The following PPP2R2B variants were observed in gnomAD, a reference collection of about 807,000 sequenced individuals.
PPP2R2B encodes the protein serine/threonine-protein phosphatase 2A 55 kDa regulatory subunit B beta isoform.
PPP2R2B carries 5 observed loss-of-function variants against 46.0 expected under a neutral mutation model. The observed-to-expected ratio is 0.11, with a 90% CI of 0.06 to 0.23. The LOEUF is 0.23. Among genes scored for constraint, PPP2R2B ranks in the 10% least tolerant of loss-of-function variants. The pLI, the probability that PPP2R2B is intolerant of heterozygous loss-of-function variation, is 1.00. For missense variants in PPP2R2B, 367 were observed against 575.0 expected (o/e 0.64, Z 3.70); for synonymous variants, 215 against 206.7 (o/e 1.04, Z -0.34).
intron 1 of PPP2R2B, among the ~76,000 whole-genome samples, chr5:146,965,111 G>A (rs1752345262): frequency 1.3e-5 from 2 of 152,124 alleles, no homozygotes; most frequent in South Asian, 2.1e-4. Context: ...GAGGCCCAGA[G>A]AGGAATAACT....
intron 1 of PPP2R2B, among the ~76,000 whole-genome samples, chr5:146,954,490 G>T (rs1751782142): frequency 6.6e-6 from 1 of 152,112 alleles, no homozygotes; most frequent in Admixed American, 6.6e-5. Flanking sequence ...AATGACAGTG[G>T]ACTTTGGGAA....
rs560053888 is a variant in PPP2R2B at position 146,749,442 on chromosome 5, C to T, written c.71-48300G>A. Reference sequence around the variant, plus strand: ...TGCATTTAGCATAAGAACTCTTTGCCTAGCCTAGATCACAGTGCATGTAGC... The same window carrying T: ...TGCATTTAGCATAAGAACTCTTTGCTTAGCCTAGATCACAGTGCATGTAGC... On this transcript the variant is annotated intron_variant, in intron 2 of 9. Transcript: ENST00000394411. Among the ~76,000 whole-genome samples, 11 of 151,674 alleles carry T rather than the reference C, an allele frequency of 7.3e-5. No individual in the cohort carries two copies. The South Asian group carries it at 8.3e-4, about 12-fold the overall frequency.
chr5:146,801,719 A>G (rs1406200534), intron 2 of PPP2R2B, among the ~76,000 whole-genome samples: 1 of 152,250 alleles, frequency 6.6e-6, no homozygotes, highest in East Asian at 1.9e-4. Context: ...TACCTACTTA[A>G]TAAGGGTGCT....
chr5:146,847,253 A>G (rs74531731), intron 2 of PPP2R2B, among the ~76,000 whole-genome samples: 1,538 of 152,310 alleles, frequency 0.01, 8 homozygotes, highest in Non-Finnish European at 0.016. Context: ...CACTAACCCC[A>G]GGATAAAGTT....
chr5:146,707,066 T>C (rs1257328020), intron 2 of PPP2R2B: 1 of 1,219,278 alleles, frequency 8.2e-7, no homozygotes, highest in Non-Finnish European at 1.2e-6. Context: ...CTCTTATTGA[T>C]CTCATCCTCA....
At chr5:146,825,143 C>T (rs567683979) in intron 2 of PPP2R2B, among the ~76,000 whole-genome samples, 4 of 152,346 alleles carry the variant, frequency 2.6e-5, no homozygotes, top group South Asian at 4.1e-4. Context: ...AAGGTCAGGT[C>T]AGTTCCCCTG....
chr5:146,943,674 A>AT (rs201977073), intron 1 of PPP2R2B, among the ~76,000 whole-genome samples: 1,977 of 145,850 alleles, frequency 0.014, 32 homozygotes, highest in African/African-American at 0.043. Flanking sequence ...AGAGGCACTC[A>AT]TTTTTTTTTT....
chr5:147,076,324 G>T (rs908886622), intron 2 of PPP2R2B, among the ~76,000 whole-genome samples: 1 of 151,942 alleles, frequency 6.6e-6, no homozygotes, highest in African/African-American at 2.4e-5. Flanking sequence ...AAAAAAAATT[G>T]ATATTGTCTG....
chr5:147,059,340 C>T (rs73318524), upstream of PPP2R2B, among the ~76,000 whole-genome samples: 1,310 of 152,250 alleles, frequency 8.6e-3, 18 homozygotes, highest in African/African-American at 0.03. Context: ...AAAGAAACAC[C>T]TCCTGTTAAA....
chr5:147,063,285 T>A (rs1757321700), intron 2 of PPP2R2B, among the ~76,000 whole-genome samples: 1 of 152,080 alleles, frequency 6.6e-6, no homozygotes, highest in Non-Finnish European at 1.5e-5. Context: ...TGTGAAGATA[T>A]AAGTGGGAAG....
chr5:146,772,657 A>G (rs982818991), intron 2 of PPP2R2B, among the ~76,000 whole-genome samples: 2 of 152,096 alleles, frequency 1.3e-5, no homozygotes, highest in East Asian at 1.9e-4. Flanking sequence ...GGGCCTAGCC[A>G]TGGAACTCCT....
chr5:146,850,793 A>C (rs1760301222), intron 2 of PPP2R2B, among the ~76,000 whole-genome samples: 1 of 152,130 alleles, frequency 6.6e-6, no homozygotes, highest in Non-Finnish European at 1.5e-5. Flanking sequence ...ATTTCCCCAG[A>C]GGGTCTTGTC....
chr5:146,693,425 G>C (rs558008354), intron 4 of PPP2R2B, among the ~76,000 whole-genome samples: 5 of 152,016 alleles, frequency 3.3e-5, no homozygotes, highest in African/African-American at 1.2e-4. Flanking sequence ...ATGTTGCCCA[G>C]GCTGATCTCA....
intron 7 of PPP2R2B, among the ~76,000 whole-genome samples, chr5:146,623,174 A>G (rs908481106): frequency 6.6e-6 from 1 of 152,258 alleles, no homozygotes; most frequent in Non-Finnish European, 1.5e-5. Context: ...CACGAACACA[A>G]AAGATTCTCA....
intron 2 of PPP2R2B, among the ~76,000 whole-genome samples, chr5:146,857,623 C>G (rs935555183): frequency 1.3e-5 from 2 of 152,064 alleles, no homozygotes; most frequent in Admixed American, 6.5e-5. Context: ...TATTTGTCCT[C>G]TGTTTTGTAA....
At chr5:146,934,309 G>C (rs1436411452) in intron 1 of PPP2R2B, among the ~76,000 whole-genome samples, 1 of 151,278 alleles carries the variant, frequency 6.6e-6, no homozygotes, top group Non-Finnish European at 1.5e-5. Flanking sequence ...CAGTGTAAAA[G>C]TGTTCCTATT....
chr5:146,800,429 A>T (rs1447685892), intron 2 of PPP2R2B, among the ~76,000 whole-genome samples: 1 of 151,974 alleles, frequency 6.6e-6, no homozygotes, highest in Non-Finnish European at 1.5e-5. Context: ...TTCTTCTTGG[A>T]GGGCACTCTC....
chr5:146,852,050 G>A (rs956383596), intron 2 of PPP2R2B, among the ~76,000 whole-genome samples: 1 of 152,084 alleles, frequency 6.6e-6, no homozygotes, highest in Non-Finnish European at 1.5e-5. Flanking sequence ...TTTGAAGCAT[G>A]AGACCAGAGT....
intron 2 of PPP2R2B, among the ~76,000 whole-genome samples, chr5:146,714,092 A>G (rs1400455954): frequency 6.6e-6 from 1 of 152,182 alleles, no homozygotes; most frequent in Non-Finnish European, 1.5e-5. Flanking sequence ...GGACAGAAGA[A>G]GAAAATCCAG....
Sources: gnomAD v4.1 joint callset for allele counts (sites outside exome capture counted in the v4.1 genomes callset) on GRCh38, gnomAD v4.1.1 for gene constraint, MANE v1.5 for transcripts, NCBI Gene and HGNC (gene_info 2026-07-23, HGNC 2026-07-21) for gene names.